LRRC28: variants seen among roughly 807,000 people sequenced by gnomAD.
LRRC28 encodes the protein leucine-rich repeat-containing protein 28.
LRRC28 carries 39 observed loss-of-function variants against 45.7 expected under a neutral mutation model. That is an observed-to-expected ratio of 0.85 (90% CI 0.66 to 1.12). The LOEUF (loss-of-function observed/expected upper bound fraction) is 1.12. Ranked by LOEUF, LRRC28 falls within the 50% of genes most tolerant of loss-of-function variation. The pLI, the probability that LRRC28 is intolerant of heterozygous loss-of-function variation, is 0.00. For synonymous variants in LRRC28, 206 were observed against 178.8 expected, an observed-to-expected ratio of 1.15 and a Z score of -1.22; for missense variants, 435 against 438.5, an observed-to-expected ratio of 0.99 and a Z score of 0.07.
At position 99,335,823 on chromosome 15, in the gene LRRC28, C is replaced by CA. The variant is rs1956304037; in HGVS notation, c.592+1696dup. 2.6e-5 allele frequency among the ~76,000 whole-genome samples: 4 copies of CA among 151,918 alleles called. No homozygotes were observed. The South Asian group carries it at 8.3e-4, about 32-fold the overall frequency. On this transcript the variant is annotated intron_variant, in intron 6 of 9. Coordinates refer to ENST00000301981, the MANE Select transcript of LRRC28 (RefSeq NM_144598.5). Reference sequence around the variant, plus strand: ...GCCAGGATGTTGCAGTCAGTGCTGGCAATACATGAGGGAAGGCAAGGAGAG... The same window carrying CA: ...GCCAGGATGTTGCAGTCAGTGCTGGCAAATACATGAGGGAAGGCAAGGAGAG...
chr15:99,300,184 G>C (rs1278255084), intron 5 of LRRC28, among the ~76,000 whole-genome samples: 1 of 151,632 alleles, frequency 6.6e-6, no homozygotes, highest in African/African-American at 2.4e-5. Context: ...TTAGGTTGTA[G>C]CATGAATCCA....
intron 5 of LRRC28, among the ~76,000 whole-genome samples, chr15:99,329,526 A>C (rs1044397374): frequency 2.6e-5 from 4 of 152,348 alleles, no homozygotes; most frequent in African/African-American, 9.6e-5. Flanking sequence ...CGAGAGTTCT[A>C]ATTTATTGTG....
intron 2 of LRRC28, among the ~76,000 whole-genome samples, chr15:99,265,600 A>G (rs969865991): frequency 1.6e-4 from 24 of 152,308 alleles, no homozygotes; most frequent in Non-Finnish European, 2.8e-4. Context: ...GAGAAGGAAT[A>G]TAGCGTGGAA....
chr15:99,324,385 G>A lies in LRRC28; in HGVS notation c.386-9538G>A, dbSNP rs141881454. Among the ~76,000 whole-genome samples, 31 of 152,276 alleles carry A rather than the reference G, an allele frequency of 2.0e-4. No homozygotes were observed. In the East Asian group the frequency reaches 5.6e-3, roughly 28 times the overall value. On this transcript the variant is annotated intron_variant, in intron 5 of 9. Transcript: ENST00000301981. ...AAACCGCGGATAAAGGGGGATTTCT[G>A]TATGTTCTCAACCCAGTGTGCTCTG...
intron 9 of LRRC28, among the ~76,000 whole-genome samples, chr15:99,371,061 G>A (rs534342135): frequency 7.9e-5 from 12 of 151,374 alleles, no homozygotes; most frequent in South Asian, 2.1e-4. Flanking sequence ...AGCTGAGATC[G>A]CGCCACTGCA....
chr15:99,319,493 C>A (rs1395348219), intron 5 of LRRC28, among the ~76,000 whole-genome samples: 2 of 151,842 alleles, frequency 1.3e-5, no homozygotes, highest in Admixed American at 1.3e-4. Context: ...TTCTCTCTAG[C>A]AGTTAGTTAT....
chr15:99,358,898 T>G (rs1392748563), intron 7 of LRRC28, among the ~76,000 whole-genome samples: 1 of 152,000 alleles, frequency 6.6e-6, no homozygotes, highest in Non-Finnish European at 1.5e-5. Flanking sequence ...ACCAACATGG[T>G]GAAACCCCGT....
chr15:99,331,683 GCTCT>G (rs149368532), intron 5 of LRRC28, among the ~76,000 whole-genome samples: 30 of 149,090 alleles, frequency 2.0e-4, no homozygotes, highest in South Asian at 2.1e-4. Flanking sequence ...TCTCCACCAA[GCTCT>G]CTCTCTCTCT....
chr15:99,363,358 C>A, intron 9 of LRRC28, 93 bp downstream of exon 9: 1 of 1,400,198 alleles, frequency 7.1e-7, no homozygotes, highest in Non-Finnish European at 9.7e-7. Flanking sequence ...ATTAAGTCAG[C>A]AGTTTTAAAG....
At chr15:99,356,594 T>C (rs1026003508) in intron 7 of LRRC28, among the ~76,000 whole-genome samples, 8 of 152,142 alleles carry the variant, frequency 5.3e-5, no homozygotes, top group African/African-American at 1.9e-4. Flanking sequence ...TTGGCATCCT[T>C]GAAGGAAAAT....
In LRRC28 at chr15:99,311,605, A is replaced by G. The variant is rs1433291280; in HGVS notation, c.386-22318A>G. 2.0e-5 allele frequency among the ~76,000 whole-genome samples: 3 copies of G among 152,256 alleles called. No individual in the cohort carries two copies. The East Asian group carries it at 5.8e-4, about 29-fold the overall frequency. ...CATGGGTTGGCAAACTATGACACAC[A>G]GACCCAATCTGGTCATTGGTCTTTT... On this transcript the variant is annotated intron_variant, in intron 5 of 9. Coordinates refer to ENST00000301981, the MANE Select transcript of LRRC28 (RefSeq NM_144598.5).
intron 9 of LRRC28, among the ~76,000 whole-genome samples, chr15:99,377,107 G>A (rs1229224516): frequency 6.6e-6 from 1 of 152,006 alleles, no homozygotes; most frequent in African/African-American, 2.4e-5. Context: ...CTAGATCCTT[G>A]AGGAATTGCC....
chr15:99,257,501 C>T (rs1428066819), intron 2 of LRRC28: 4 of 395,680 alleles, frequency 1.0e-5, no homozygotes, highest in Non-Finnish European at 9.6e-6. Flanking sequence ...AGAGAATTGA[C>T]CTTTGCTTAT....
At chr15:99,342,041 G>A (rs1196865275) in intron 6 of LRRC28, among the ~76,000 whole-genome samples, 1 of 152,196 alleles carries the variant, frequency 6.6e-6, no homozygotes, top group Non-Finnish European at 1.5e-5. Context: ...TATTTTCCAA[G>A]TCCATACTGG....
At chr15:99,273,457 T>TTGATCTGCTGACCTCG (rs943985388) in intron 2 of LRRC28, among the ~76,000 whole-genome samples, 2 of 152,146 alleles carry the variant, frequency 1.3e-5, no homozygotes, top group African/African-American at 4.8e-5. Context: ...CAGGATGGTC[T>TTGATCTGCTGACCTCG]TGATCTGCTG....
In LRRC28 at chr15:99,291,639, C is replaced by T. The variant is rs143887335; in HGVS notation, c.385+3688C>T. Among the ~76,000 whole-genome samples, 6 of 152,326 alleles carry T rather than the reference C, an allele frequency of 3.9e-5. No homozygotes were observed. The East Asian group carries it at 1.2e-3, about 29-fold the overall frequency. ...CCATAGTCCATGCTGAGACTTGTCA[C>T]ATGTTATATTCTCTTAAAAGACTTA... On this transcript the variant is annotated intron_variant, in intron 5 of 9. Transcript: ENST00000301981.
intron 2 of LRRC28, among the ~76,000 whole-genome samples, chr15:99,270,783 A>G (rs2081457255): frequency 6.6e-6 from 1 of 152,218 alleles, no homozygotes; most frequent in African/African-American, 2.4e-5. Flanking sequence ...TTTTGGGTAT[A>G]TAAATAAGAG....
intron 2 of LRRC28, chr15:99,258,762 T>C: frequency 1.4e-6 from 1 of 696,418 alleles, no homozygotes; most frequent in East Asian, 2.9e-5. Flanking sequence ...GAAGTTACCT[T>C]CAAATCAATT....
intron 5 of LRRC28, chr15:99,317,570 A>G (rs1955641347): frequency 6.6e-6 from 1 of 152,174 alleles, no homozygotes; most frequent in Non-Finnish European, 1.5e-5. Context: ...ATTATTACAG[A>G]CATTTGGTTT....
Sources: gnomAD v4.1 joint callset for allele counts (sites outside exome capture counted in the v4.1 genomes callset) on GRCh38, gnomAD v4.1.1 for gene constraint, MANE v1.5 for transcripts, NCBI Gene and HGNC (gene_info 2026-07-23, HGNC 2026-07-21) for gene names.